SELENOP: variants seen among roughly 807,000 people sequenced by gnomAD.
The protein encoded by SELENOP is selenoprotein P, plasma, 1.
In SELENOP, 36 loss-of-function variants were observed where a neutral mutation model predicts 41.0. The observed-to-expected ratio is 0.88, with a 90% CI of 0.67 to 1.16. The LOEUF is 1.16. Among genes scored for constraint, SELENOP ranks in the 50% most tolerant of loss-of-function variants. SELENOP has a pLI of 0.00. For synonymous variants in SELENOP, 144 were observed against 150.8 expected, an observed-to-expected ratio of 0.95 and a Z score of 0.33; for missense variants, 440 against 454.2, an observed-to-expected ratio of 0.97 and a Z score of 0.28.
rs530468680 is a variant in SELENOP, at chr5:42,808,876, C to T, written c.-13-510G>A. On this transcript the variant is annotated intron_variant, in intron 1 of 4. Coordinates refer to ENST00000514985, the MANE Select transcript of SELENOP (RefSeq NM_005410.4). ...TGGAGCTTGCAGTGAGCTGAGATCG[C>T]GCCCCTGCACTCCAGCCTGGGCGAC... 4.3e-4 allele frequency among the ~76,000 whole-genome samples: 65 copies of T among 150,634 alleles called. 1 individual carries two copies. The highest frequency in any genetic ancestry group is 2.7e-3 in the East Asian group (14 of 5,118).
At chr5:42,801,432 A>G (rs1760200342) in intron 4 of SELENOP, 101 bp from the exon 5 acceptor site, 3 of 870,630 alleles carry the variant, frequency 3.4e-6, no homozygotes, top group Non-Finnish European at 5.3e-6. Flanking sequence ...CCAACTAGTT[A>G]ATTAGAATCG....
chr5:42,801,807 C>G (rs1410977267), intron 4 of SELENOP: 1 of 155,942 alleles, frequency 6.4e-6, no homozygotes, highest in Non-Finnish European at 1.4e-5. Context: ...GTCCCAGCTA[C>G]TTGTGAGGCT....
At chr5:42,807,423 G>C (rs538137627) in intron 2 of SELENOP, 1 of 173,638 alleles carries the variant, frequency 5.8e-6, no homozygotes, top group Non-Finnish European at 1.2e-5. Context: ...ATAAAAAATG[G>C]TTGGAAAAAA....
chr5:42,807,181 C>T, intron 2 of SELENOP, 73 bp from the exon 3 acceptor site: 1 of 740,914 alleles, frequency 1.3e-6, no homozygotes, highest in Non-Finnish European at 2.2e-6. Flanking sequence ...TCTCCCTCTT[C>T]CTTAATTTTC....
In SELENOP at chr5:42,807,019, A is replaced by G; in HGVS notation, c.293T>C (p.Leu98Ser). Reference protein sequence around the residue: ...VVNHQGISSRLKYTHLKNKVS... With the variant: ...VVNHQGISSRSKYTHLKNKVS... ...CTTATTCTTAAGATGTGTGTATTTTAATCGAGAAGAGATTCCTTGATGATT... is the reference window on the plus strand; with the variant it reads ...CTTATTCTTAAGATGTGTGTATTTTGATCGAGAAGAGATTCCTTGATGATT... Residue 98 changes from leucine to serine, a missense_variant, in exon 3 of 5, where the codon TTA becomes TCA. Physicochemically the swap from Leu to Ser is moderately radical, Grantham distance 145. Coordinates refer to ENST00000514985, the MANE Select transcript of SELENOP (RefSeq NM_005410.4). 6.3e-7 allele frequency: 1 copy of G among 1,590,650 alleles called. No homozygotes were observed. The highest frequency in any genetic ancestry group is 8.6e-7 in the Non-Finnish European group (1 of 1,159,660).
chr5:42,809,006 C>T (rs1192632401), intron 1 of SELENOP, among the ~76,000 whole-genome samples: 2 of 151,784 alleles, frequency 1.3e-5, no homozygotes, highest in Non-Finnish European at 2.9e-5. Flanking sequence ...AAAAGAGAAC[C>T]AAGGAAAAAA....
At chr5:42,804,862 T>G (rs1760298339) in intron 3 of SELENOP, 89 bp from the exon 4 acceptor site, 2 of 803,900 alleles carry the variant, frequency 2.5e-6, no homozygotes, top group Admixed American at 2.7e-5. Flanking sequence ...ATTATAGGTT[T>G]AATGGTCATA....
intron 4 of SELENOP, chr5:42,801,685 G>A (rs897087913): frequency 1.1e-5 from 3 of 279,050 alleles, no homozygotes; most frequent in East Asian, 6.2e-5. Flanking sequence ...GGGTGGCCGA[G>A]GGGGGCAGAT....
intron 4 of SELENOP, chr5:42,802,390 T>A (rs904698503): frequency 2.0e-5 from 3 of 152,218 alleles, no homozygotes; most frequent in African/African-American, 4.8e-5. Context: ...TTTTGATGTT[T>A]TGAAGGTTTT....
Position 42,800,953 on chromosome 5 carries a change from G to T in SELENOP, c.913C>A (p.Arg305=). 6.2e-7 allele frequency: 1 copy of T among 1,614,182 alleles called. No homozygotes were observed. The highest frequency in any genetic ancestry group is 1.6e-4 in the Middle Eastern group (1 of 6,062). ...LAPRSUCCHC[R]HLIFEKTGSA... ...CCTGTTTTTTCAAATATCAGATGTC[G>T]ACAATGGCAGCATCAGCTCCTAGGA... Residue 305 remains arginine (R), a synonymous_variant, in exon 5 of 5, where the codon CGA becomes AGA. Coordinates refer to ENST00000514985, the MANE Select transcript of SELENOP (RefSeq NM_005410.4).
intron 3 of SELENOP, 76 bp from the exon 4 acceptor site, chr5:42,804,849 G>T: frequency 1.1e-6 from 1 of 906,338 alleles, no homozygotes; most frequent in East Asian, 2.6e-5. Context: ...GTCTGGGATA[G>T]GTATTATAGG....
rs28919921 is a variant in SELENOP at position 42,801,411 on chromosome 5, CAT to C, written c.535-82_535-81del. On this transcript the variant is annotated intron_variant, in intron 4 of 4. Coordinates refer to ENST00000514985, the MANE Select transcript of SELENOP (RefSeq NM_005410.4). ...CGTGAAAAATGATTTGTAGAGCTAA[CAT>C]GTGAAATTCCAACTAGTTAATTAGA... 3,239 of 1,087,322 alleles carry C rather than the reference CAT, an allele frequency of 3.0e-3. 7 individuals are homozygous for C. The highest frequency in any genetic ancestry group is 3.8e-3 in the Non-Finnish European group (2,920 of 758,452). The allele number at this position is 1,087,322 out of a possible 1,614,324, so 67.4% of individuals were successfully genotyped here.
Position 42,804,916 on chromosome 5 carries a change from G to C in SELENOP, c.417-143C>G, listed in dbSNP as rs540330976. 53 of 506,846 alleles carry C rather than the reference G, an allele frequency of 1.0e-4. 1 individual carries two copies. In the South Asian group the frequency reaches 2.1e-3, roughly 20 times the overall value. The allele number at this position is 506,846 out of a possible 1,614,324, so 31.4% of individuals were successfully genotyped here. ...CTTTACTAAATTTCTTTGGATGAGA[G>C]CTACAAATGAGCTCCCAGGTACTGC... is the stretch of plus-strand genomic sequence containing the variant. On this transcript the variant is annotated intron_variant, in intron 3 of 4. Transcript: ENST00000514985.
At chr5:42,811,086 C>A (rs981675896) in intron 1 of SELENOP, among the ~76,000 whole-genome samples, 5 of 152,180 alleles carry the variant, frequency 3.3e-5, no homozygotes, top group African/African-American at 1.2e-4. Flanking sequence ...TATGTCACCA[C>A]TTTTCAATTG....
chr5:42,809,875 T>G (rs1760423122), intron 1 of SELENOP: 1 of 243,630 alleles, frequency 4.1e-6, no homozygotes, highest in Non-Finnish European at 6.1e-6. Context: ...TTTTAATATT[T>G]AAAATATTCT....
At position 42,806,893 on chromosome 5, in the gene SELENOP, A is replaced by C. The variant is rs780070656; in HGVS notation, c.416+3T>G. On this transcript the variant is annotated splice_donor_region_variant and intron_variant, in intron 3 of 4. Coordinates refer to ENST00000514985, the MANE Select transcript of SELENOP (RefSeq NM_005410.4). Reference sequence around the variant, plus strand: ...TGGGATGTGTTTGTGTGTATGTACAAACCTATCATATATGAGGAAGTCATC... The same window carrying C: ...TGGGATGTGTTTGTGTGTATGTACACACCTATCATATATGAGGAAGTCATC... 1.2e-5 allele frequency: 19 copies of C among 1,580,836 alleles called. No individual in the cohort carries two copies. In the South Asian group the frequency reaches 1.9e-4, roughly 16 times the overall value.
intron 2 of SELENOP, 185 bp from the exon 3 acceptor site, chr5:42,807,293 A>G (rs1203011534): frequency 2.5e-6 from 1 of 393,922 alleles, no homozygotes; most frequent in Non-Finnish European, 4.6e-6. Context: ...ATTACTTAAA[A>G]CTTGTGCTTA....
intron 2 of SELENOP, 193 bp downstream of exon 2, chr5:42,807,958 A>C (rs1760369528): frequency 2.8e-6 from 1 of 362,324 alleles, no homozygotes; most frequent in East Asian, 4.1e-5. Context: ...CCATAACCCT[A>C]GGAAACCCAC....
At chr5:42,809,233 C>T (rs866669128) in intron 1 of SELENOP, among the ~76,000 whole-genome samples, 17 of 152,274 alleles carry the variant, frequency 1.1e-4, no homozygotes, top group Non-Finnish European at 2.1e-4. Flanking sequence ...CTCAATTAGC[C>T]TATTTATTGG....
Sources: gnomAD v4.1 joint callset for allele counts (sites outside exome capture counted in the v4.1 genomes callset) on GRCh38, gnomAD v4.1.1 for gene constraint, MANE v1.5 for transcripts, NCBI Gene and HGNC (gene_info 2026-07-23, HGNC 2026-07-21) for gene names.